Variants in SV2B observed in about 807,000 individuals in gnomAD.
SV2B encodes the protein solute carrier family 22 member B2.
SV2B carries 41 observed loss-of-function variants against 73.9 expected under a neutral mutation model. The observed-to-expected ratio is 0.56, with a 90% CI of 0.43 to 0.72. SV2B has a LOEUF of 0.72. Among genes scored for constraint, SV2B ranks in the 30% least tolerant of loss-of-function variants. The probability of loss-of-function intolerance (pLI) is 0.00; values close to 1 mark genes in which losing one functional copy is unlikely to be tolerated. For synonymous variants in SV2B, 314 were observed against 314.2 expected, an observed-to-expected ratio of 1.00 and a Z score of 0.01; for missense variants, 764 against 857.8, an observed-to-expected ratio of 0.89 and a Z score of 1.37.
intron 1 of SV2B, among the ~76,000 whole-genome samples, chr15:91,221,227 TACCAG>T (rs2046201298): frequency 6.6e-6 from 1 of 152,168 alleles, no homozygotes; most frequent in Non-Finnish European, 1.5e-5. Flanking sequence ...ATCACATCTG[TACCAG>T]ACACTGTGCT....
intron 1 of SV2B, among the ~76,000 whole-genome samples, chr15:91,154,051 T>A (rs2043403291): frequency 6.6e-6 from 1 of 150,924 alleles, no homozygotes. Flanking sequence ...GTAAAGAGAC[T>A]CTTTTGTAAG....
At position 91,148,561 on chromosome 15, in the gene SV2B, A is replaced by G. The variant is rs575923524; in HGVS notation, c.-392+48198A>G. ...GTGTGAAGTAAAGCCTGGTAAAGTC[A>G]TGGGAAAGTGAGATGAAAAGGAGAA... On this transcript the variant is annotated intron_variant, in intron 1 of 12. Transcript: ENST00000394232. 3.9e-5 allele frequency among the ~76,000 whole-genome samples: 6 copies of G among 152,342 alleles called. No homozygotes were observed. In the South Asian group the frequency reaches 1.0e-3, roughly 26 times the overall value.
At chr15:91,183,505 C>T (rs1203888122) in intron 1 of SV2B, among the ~76,000 whole-genome samples, 1 of 152,192 alleles carries the variant, frequency 6.6e-6, no homozygotes, top group East Asian at 1.9e-4. Flanking sequence ...TTAAGCTGCA[C>T]AACTTTTTAT....
At chr15:91,225,830 C>A (rs1157389448) in intron 1 of SV2B, 43 bp from the exon 2 acceptor site, 2 of 172,732 alleles carry the variant, frequency 1.2e-5, no homozygotes, top group Non-Finnish European at 2.4e-5. Flanking sequence ...GTTAGAATTT[C>A]AACCTTTGTA....
chr15:91,270,917 C>CGGTGAGTCCTGTGGAT lies in SV2B; in HGVS notation c.1373+2313_1373+2314insGTGAGTCCTGTGGATG, dbSNP rs1567417955. On this transcript the variant is annotated intron_variant, in intron 9 of 12. Transcript: ENST00000394232. ...ATGGGAGGACGGTGAGTCCTGTGGACGATGGGAGGACGGTGAGTCCTGTGG... is the reference window on the plus strand; with the variant it reads ...ATGGGAGGACGGTGAGTCCTGTGGACGGTGAGTCCTGTGGATGATGGGAGGACGGTGAGTCCTGTGG... Among the ~76,000 whole-genome samples the CGGTGAGTCCTGTGGAT allele has an allele frequency of 8.2e-5, 7 of 84,966 alleles. 1 individual carries two copies. Among genetic ancestry groups the CGGTGAGTCCTGTGGAT allele is most frequent in the African/African-American group, 3.9e-4 (7 of 17,962 alleles). 55.7% of individuals were successfully genotyped at this position (84,966 alleles called of 152,430 possible).
At chr15:91,213,783 G>A (rs1393172706) in intron 1 of SV2B, among the ~76,000 whole-genome samples, 1 of 152,148 alleles carries the variant, frequency 6.6e-6, no homozygotes, top group Non-Finnish European at 1.5e-5. Flanking sequence ...ATAATACAGT[G>A]TTATGTTATT....
intron 9 of SV2B, among the ~76,000 whole-genome samples, chr15:91,272,959 A>C (rs1341073291): frequency 1.3e-5 from 2 of 149,336 alleles, no homozygotes; most frequent in African/African-American, 2.5e-5. Flanking sequence ...CAGCCTCCTG[A>C]GTAGCTGGGA....
At chr15:91,107,285 C>CTTTATTTGTTTGTTTG (rs1483150371) in intron 1 of SV2B, among the ~76,000 whole-genome samples, 3 of 85,750 alleles carry the variant, frequency 3.5e-5, no homozygotes, top group Admixed American at 9.9e-5. Flanking sequence ...GACTTCATTA[C>CTTTATTTGTTTGTTTG]TTTATTTGTT....
At chr15:91,260,438 A>G in intron 6 of SV2B, 29 bp downstream of exon 6, 1 of 1,560,722 alleles carries the variant, frequency 6.4e-7, no homozygotes, top group Non-Finnish European at 8.7e-7. Context: ...GCCAATAAGA[A>G]GGGGGTTCTC....
chr15:91,254,273 A>G (rs1330952021), intron 4 of SV2B, among the ~76,000 whole-genome samples: 4 of 132,458 alleles, frequency 3.0e-5, no homozygotes, highest in East Asian at 2.2e-4. Flanking sequence ...GTCTTGTTCT[A>G]TCACCCAGGC....
At position 91,284,043 on chromosome 15, in the gene SV2B, C is replaced by T. The variant is rs145604852; in HGVS notation, c.1530C>T (p.Ile510=). The change falls in exon 11 of 13, where the codon ATC becomes ATT. Residue 510 remains isoleucine (I), a synonymous_variant. Transcript: ENST00000394232. This position sits in a 1 kb window ranked among gnomAD's most constrained non-coding sequence, Gnocchi z 4.5. ...YNTDLYEHKF[I]NCRFINSTFL... is the part of the protein sequence containing the mutation. ...CAGACCTCTACGAGCACAAGTTCAT[C>T]AACTGTCGGTTTATCAACTCCACCT... 4.1e-4 allele frequency: 655 copies of T among 1,614,190 alleles called. 1 individual carries two copies. In the African/African-American group the frequency reaches 7.1e-3, roughly 17 times the overall value.
intron 9 of SV2B, among the ~76,000 whole-genome samples, chr15:91,275,792 C>T (rs551611616): frequency 6.6e-6 from 1 of 152,284 alleles, no homozygotes; most frequent in Non-Finnish European, 1.5e-5. Context: ...CACCACTGCA[C>T]TCCAGCCTGG....
rs1037702366 is a variant in SV2B, at chr15:91,136,021, T to C, written c.-392+35658T>C. 6.6e-6 allele frequency among the ~76,000 whole-genome samples: 1 copy of C among 152,240 alleles called. No individual in the cohort carries two copies. The highest frequency in any genetic ancestry group is 1.5e-5 in the Non-Finnish European group (1 of 68,046). On this transcript the variant is annotated intron_variant, in intron 1 of 12. Coordinates refer to ENST00000394232, the MANE Select transcript of SV2B (RefSeq NM_001323032.3). This position sits in a 1 kb window ranked among gnomAD's most constrained non-coding sequence, Gnocchi z 5.6. The stretch of plus-strand genomic sequence containing the variant: ...CTTCCCCAACACACACACTTGATTT[T>C]TTTTTTGGCATGTGTAGATATGAAA...
rs771253482 is a variant in SV2B at position 91,267,625 on chromosome 15, G to C, written c.1190G>C (p.Trp397Ser). 40 of 1,612,362 alleles carry C rather than the reference G, an allele frequency of 2.5e-5. No individual in the cohort carries two copies. In the Admixed American group the frequency reaches 2.7e-4, roughly 11 times the overall value. Residue 397 changes from tryptophan to serine, a missense_variant, in exon 8 of 13, where the codon TGG becomes TCG. Transcript: ENST00000394232. This position sits in a 1 kb window ranked among gnomAD's most constrained non-coding sequence, Gnocchi z 4.3. The part of the protein sequence containing the change: ...RMNTLILAVV[W>S]FAMAFSYYGL... ...AATACACTGATTCTGGCCGTGGTTT[G>C]GTTTGCCATGGCATTCAGGTAAGTT...
rs542753571 is a variant in SV2B, at chr15:91,240,094, C to T, written c.452-11725C>T. ...AATACCTGAACAAAAGCCAGGGTTC[C>T]CTTAGCAAGGAAGAAGAGGGAAAAG... On this transcript the variant is annotated intron_variant, in intron 2 of 12. Transcript: ENST00000394232. This position sits in a 1 kb window ranked among gnomAD's most constrained non-coding sequence, Gnocchi z 4.6. 1.3e-5 allele frequency among the ~76,000 whole-genome samples: 2 copies of T among 152,278 alleles called. No individual in the cohort carries two copies. The highest frequency in any genetic ancestry group is 1.5e-5 in the Non-Finnish European group (1 of 68,012).
In SV2B at chr15:91,284,106, G is replaced by T; in HGVS notation, c.1593G>T (p.Glu531Asp). The T allele has an allele frequency of 6.2e-7, 1 of 1,614,180 alleles. No individual in the cohort carries two copies. The highest frequency in any genetic ancestry group is 8.5e-7 in the Non-Finnish European group (1 of 1,180,036). The change falls in exon 11 of 13, where the codon GAG (glutamate) becomes GAT (aspartate). Residue 531 changes from glutamate (E) to aspartate (D), a missense_variant. Coordinates refer to ENST00000394232, the MANE Select transcript of SV2B (RefSeq NM_001323032.3). This position sits in a 1 kb window ranked among gnomAD's most constrained non-coding sequence, Gnocchi z 4.5. ...EQKEGCHMDL[E>D]QDNDFLIYLV... ...AGGAGGGCTGCCACATGGACTTGGA[G>T]CAAGATAATGACTTCCTGATTTACC...
Position 91,220,465 on chromosome 15 carries a change from A to T in SV2B, c.-391-5408A>T, listed in dbSNP as rs2046176524. Among the ~76,000 whole-genome samples the T allele has an allele frequency of 6.6e-6, 1 of 152,256 alleles. No homozygotes were observed. Among genetic ancestry groups the T allele is most frequent in the Non-Finnish European group, 1.5e-5 (1 of 68,038 alleles). ...GCTCTTGGAATTCTATTTTTCACTG[A>T]AAGGAGAATATTAAAAGCCTAATGC... On this transcript the variant is annotated intron_variant, in intron 1 of 12. Transcript: ENST00000394232. This position sits in a 1 kb window ranked among gnomAD's most constrained non-coding sequence, Gnocchi z 4.1.
intron 2 of SV2B, 58 bp downstream of exon 2, chr15:91,226,772 CT>C: frequency 1.3e-6 from 2 of 1,551,618 alleles, no homozygotes; most frequent in Non-Finnish European, 1.7e-6. Flanking sequence ...TAAAATTTAT[CT>C]AGTATCTGTC....
rs150083944 is a variant in SV2B, at chr15:91,297,043, G to A, written c.*4491G>A. 0.025 allele frequency: 3,556 copies of A among 140,068 alleles called. 95 individuals carry two copies. The highest frequency in any genetic ancestry group is 0.076 in the African/African-American group (2,747 of 36,076). The allele number at this position is 140,068 out of a possible 1,614,324, so 8.7% of individuals were successfully genotyped here. ...GGGCGCACGCTTCTTCTGCCTGATC[G>A]TTGGGCGCACGCTCCTTCTGCCTGA... On this transcript the variant is annotated 3_prime_UTR_variant, in exon 13 of 13. Transcript: ENST00000394232. This position sits in a 1 kb window ranked among gnomAD's most constrained non-coding sequence, Gnocchi z 5.1.
Sources: allele counts gnomAD v4.1 joint callset (sites outside exome capture counted in the v4.1 genomes callset), GRCh38; gene constraint gnomAD v4.1.1; non-coding constraint Gnocchi (gnomAD v3.1); transcripts MANE v1.5; gene names NCBI Gene and HGNC (gene_info 2026-07-23, HGNC 2026-07-21).